LDB2: variants seen among roughly 807,000 people sequenced by gnomAD.
The protein encoded by LDB2 is LIM domain binding 2.
LDB2 carries 12 observed loss-of-function variants against 44.3 expected under a neutral mutation model. The observed-to-expected ratio is 0.27, with a 90% CI of 0.17 to 0.44. The LOEUF (loss-of-function observed/expected upper bound fraction) is 0.44, where lower values mean the gene tolerates loss of function less well. LDB2 is among the 20% of genes least tolerant of loss of function. The pLI is 1.00. For synonymous variants in LDB2, 164 were observed against 174.8 expected, an observed-to-expected ratio of 0.94 and a Z score of 0.49; for missense variants, 344 against 473.5, an observed-to-expected ratio of 0.73 and a Z score of 2.54.
chr4:16,529,851 A>G (rs1303986616), intron 5 of LDB2, among the ~76,000 whole-genome samples: 1 of 152,168 alleles, frequency 6.6e-6, no homozygotes, highest in African/African-American at 2.4e-5. Context: ...GTAAAGTTTC[A>G]TGGTTGACAT....
At chr4:16,715,684 T>G (rs1184775554) in intron 2 of LDB2, among the ~76,000 whole-genome samples, 1 of 152,176 alleles carries the variant, frequency 6.6e-6, no homozygotes, top group Non-Finnish European at 1.5e-5. Context: ...GCCATCTGCT[T>G]GTGAAATCTC....
At chr4:16,661,632 T>TA (rs1714318135) in intron 2 of LDB2, among the ~76,000 whole-genome samples, 1 of 152,160 alleles carries the variant, frequency 6.6e-6, no homozygotes. Context: ...CATTTTTTTT[T>TA]AACGTTGTCC....
intron 7 of LDB2, 140 bp from the exon 8 acceptor site, chr4:16,503,013 GC>G: frequency 6.3e-7 from 1 of 1,578,834 alleles, no homozygotes; most frequent in Non-Finnish European, 8.6e-7. Flanking sequence ...AATGTCGGGG[GC>G]CGAGACGCAT....
rs866512915 is a variant in LDB2, at chr4:16,560,451, A to G, written c.615+25471T>C. On this transcript the variant is annotated intron_variant, in intron 5 of 7. Transcript: ENST00000304523. ...ATAGTACAAACACCTCTACGCAAAT[A>G]AACTAGAAAATCTAGAAGAAATGGA... Among the ~76,000 whole-genome samples, 26 of 152,346 alleles carry G rather than the reference A, an allele frequency of 1.7e-4. 1 individual carries two copies. In the Middle Eastern group the frequency reaches 0.01, roughly 60 times the overall value.
Position 16,784,912 on chromosome 4 carries a change from G to A in LDB2, c.133-25652C>T, listed in dbSNP as rs73799270. Among the ~76,000 whole-genome samples the A allele has an allele frequency of 4.2e-3, 631 of 151,946 alleles. 4 individuals carry two copies. Among genetic ancestry groups the A allele is most frequent in the African/African-American group, 0.014 (573 of 41,422 alleles). On this transcript the variant is annotated intron_variant, in intron 1 of 7. Coordinates refer to ENST00000304523, the MANE Select transcript of LDB2 (RefSeq NM_001290.5). ...CTCTGCTCCCTGGGTGTAGACTGTC[G>A]ACACCCCTTTGCTCTGCCACCCTTA...
intron 5 of LDB2, among the ~76,000 whole-genome samples, chr4:16,513,005 T>C (rs1722382509): frequency 6.6e-6 from 1 of 152,228 alleles, no homozygotes; most frequent in Non-Finnish European, 1.5e-5. Context: ...TTAATCACTA[T>C]TGCAATTACA....
chr4:16,818,703 A>C (rs1781397258), intron 1 of LDB2, among the ~76,000 whole-genome samples: 1 of 152,202 alleles, frequency 6.6e-6, no homozygotes, highest in Non-Finnish European at 1.5e-5. Context: ...AAGAGGTTAG[A>C]GAATCTACCC....
intron 2 of LDB2, among the ~76,000 whole-genome samples, chr4:16,596,820 G>T (rs1721065021): frequency 6.6e-6 from 1 of 152,132 alleles, no homozygotes; most frequent in East Asian, 1.9e-4. Context: ...TTAGAAATCT[G>T]TAACAAGCCC....
intron 1 of LDB2, among the ~76,000 whole-genome samples, chr4:16,881,597 T>A (rs913535008): frequency 7.5e-6 from 1 of 132,584 alleles, no homozygotes; most frequent in African/African-American, 3.0e-5. Flanking sequence ...GAGGGGAATT[T>A]GGGCCTTTTT....
Position 16,595,877 on chromosome 4 carries a change from TG to T in LDB2, c.236-3del. The T allele has an allele frequency of 6.2e-7, 1 of 1,612,848 alleles. No homozygotes were observed. The highest frequency in any genetic ancestry group is 8.5e-7 in the Non-Finnish European group (1 of 1,179,344). ...GGGGGATGAGGGTCCTGCCGATAGC[TG>T]GGAGAGAAACACAGAGAAACAAACC... On this transcript the variant is annotated splice_polypyrimidine_tract_variant and splice_region_variant and intron_variant, in intron 2 of 7. Transcript: ENST00000304523.
intron 3 of LDB2, among the ~76,000 whole-genome samples, chr4:16,590,545 T>C (rs1718576151): frequency 6.6e-6 from 1 of 152,222 alleles, no homozygotes; most frequent in African/African-American, 2.4e-5. Flanking sequence ...CCATGCGCTC[T>C]AACTGAAGGT....
chr4:16,842,353 A>C (rs1184965784), intron 1 of LDB2, among the ~76,000 whole-genome samples: 1 of 152,198 alleles, frequency 6.6e-6, no homozygotes, highest in African/African-American at 2.4e-5. Flanking sequence ...AAACGGAGAA[A>C]GAGCAAAAGG....
intron 1 of LDB2, among the ~76,000 whole-genome samples, chr4:16,807,052 T>C (rs917297143): frequency 6.6e-6 from 1 of 152,214 alleles, no homozygotes; most frequent in African/African-American, 2.4e-5. Flanking sequence ...TTGGAGCTGA[T>C]CAGTCCCATC....
At chr4:16,534,819 A>G (rs1317166046) in intron 5 of LDB2, among the ~76,000 whole-genome samples, 2 of 152,148 alleles carry the variant, frequency 1.3e-5, no homozygotes, top group Non-Finnish European at 2.9e-5. Context: ...TCTGGACGCT[A>G]CACTTTTTCC....
intron 5 of LDB2, chr4:16,581,443 T>G (rs1714416628): frequency 1.0e-6 from 1 of 985,188 alleles, no homozygotes; most frequent in African/African-American, 1.7e-5. Flanking sequence ...AAAAATCTTT[T>G]GAATTATATC....
At chr4:16,520,601 G>A (rs114257256) in intron 5 of LDB2, among the ~76,000 whole-genome samples, 1,661 of 152,182 alleles carry the variant, frequency 0.011, 29 homozygotes, top group African/African-American at 0.035. Flanking sequence ...GAAAGTTATC[G>A]CGTCCAACCC....
chr4:16,609,933 C>T (rs962999158), intron 2 of LDB2, among the ~76,000 whole-genome samples: 1 of 152,090 alleles, frequency 6.6e-6, no homozygotes, highest in Non-Finnish European at 1.5e-5. Flanking sequence ...TGTCAGACAC[C>T]CTACTGGCAT....
chr4:16,793,657 A>G (rs1170673414), intron 1 of LDB2, among the ~76,000 whole-genome samples: 4 of 152,198 alleles, frequency 2.6e-5, no homozygotes, highest in Non-Finnish European at 1.5e-5. Context: ...TATTTCACCA[A>G]TTATTACTAA....
chr4:16,719,633 A>T (rs78170027), intron 2 of LDB2, among the ~76,000 whole-genome samples: 2,918 of 152,198 alleles, frequency 0.019, 38 homozygotes, highest in Non-Finnish European at 0.028. Flanking sequence ...TGTCCCCGAA[A>T]GTTCATGTGT....
Sources: gnomAD v4.1 joint callset for allele counts (sites outside exome capture counted in the v4.1 genomes callset) on GRCh38, gnomAD v4.1.1 for gene constraint, MANE v1.5 for transcripts, NCBI Gene and HGNC (gene_info 2026-07-23, HGNC 2026-07-21) for gene names.